CA12: variants seen among roughly 807,000 people sequenced by gnomAD.
CA12 encodes carbonic anhydrase 12, also known as carbonate dehydratase XII.
CA12 carries 36 observed loss-of-function variants against 46.8 expected under a neutral mutation model. The ratio of observed to expected loss-of-function variants is 0.77; its 90% CI spans 0.59 to 1.02. CA12 has a LOEUF of 1.02. Ranked by LOEUF, CA12 falls within the 50% of genes least tolerant of loss-of-function variation. The pLI, the probability that CA12 is intolerant of heterozygous loss-of-function variation, is 0.00. For synonymous variants in CA12, 202 were observed against 187.0 expected (o/e 1.08, Z -0.65); for missense variants, 436 against 451.4 (o/e 0.97, Z 0.31).
rs2039545748 is a variant in CA12, at chr15:63,374,429, G to A, written c.106+1229C>T. ...TCCTTTGAGCACTCAGATCTCTGAA[G>A]CATTTGTTTATGATGTTATTATTAC... On this transcript the variant is annotated intron_variant, in intron 2 of 10. Coordinates refer to ENST00000178638, the MANE Select transcript of CA12 (RefSeq NM_001218.5). The surrounding 1 kb of genome is among the most constrained non-coding windows in gnomAD (Gnocchi z 4.4). Among the ~76,000 whole-genome samples the A allele has an allele frequency of 6.6e-6, 1 of 152,178 alleles. No individual in the cohort carries two copies. Among genetic ancestry groups the A allele is most frequent in the Admixed American group, 6.5e-5 (1 of 15,274 alleles).
chr15:63,344,240 G>A (rs374816527), intron 4 of CA12, among the ~76,000 whole-genome samples: 1 of 152,134 alleles, frequency 6.6e-6, no homozygotes, highest in African/African-American at 2.4e-5. Flanking sequence ...GCGACCTCTT[G>A]CCTCTTACCT....
At chr15:63,360,512 G>C (rs1413217154) in intron 2 of CA12, among the ~76,000 whole-genome samples, 1 of 152,144 alleles carries the variant, frequency 6.6e-6, no homozygotes, top group African/African-American at 2.4e-5. Flanking sequence ...AAACATGAAA[G>C]ACCCATGGAG....
chr15:63,334,186 A>T lies in CA12; in HGVS notation c.874+4633T>A, dbSNP rs1302553816. 4.8e-5 allele frequency among the ~76,000 whole-genome samples: 7 copies of T among 146,430 alleles called. No individual in the cohort carries two copies. In the Admixed American group the frequency reaches 4.8e-4, roughly 10 times the overall value. On this transcript the variant is annotated intron_variant, in intron 8 of 10. Transcript: ENST00000178638. ...CCCCTCCCAGGGGCCCACCTTGAGG[A>T]CGAGTCTTGCTTTCTCCTTCAGCTC...
At position 63,339,755 on chromosome 15, in the gene CA12, G is replaced by A. The variant is rs1426696846; in HGVS notation, c.747+533C>T. On this transcript the variant is annotated intron_variant, in intron 7 of 10. Coordinates refer to ENST00000178638, the MANE Select transcript of CA12 (RefSeq NM_001218.5). The surrounding 1 kb of genome is among the most constrained non-coding windows in gnomAD (Gnocchi z 4.3). ...CATGGAACTCAGATGACCTAACTTT[G>A]GGTCTCAGCTTTGTCACTAACCCGC... Among the ~76,000 whole-genome samples the A allele has an allele frequency of 6.6e-6, 1 of 152,200 alleles. No individual in the cohort carries two copies. Among genetic ancestry groups the A allele is most frequent in the Admixed American group, 6.5e-5 (1 of 15,286 alleles).
Position 63,362,003 on chromosome 15 carries a change from T to G in CA12, c.106+13655A>C, listed in dbSNP as rs117056854. ...AGCACTTTCTATGTGCCAGGCATCATTCTATATCAGGGGTTGGCTAACTTT... is the reference window on the plus strand; with the variant it reads ...AGCACTTTCTATGTGCCAGGCATCAGTCTATATCAGGGGTTGGCTAACTTT... On this transcript the variant is annotated intron_variant, in intron 2 of 10. Coordinates refer to ENST00000178638, the MANE Select transcript of CA12 (RefSeq NM_001218.5). Among the ~76,000 whole-genome samples, 34 of 152,364 alleles carry G rather than the reference T, an allele frequency of 2.2e-4. No individual in the cohort carries two copies. The East Asian group carries it at 6.0e-3, about 27-fold the overall frequency.
At position 63,328,140 on chromosome 15, in the gene CA12, G is replaced by C. The variant is rs2038891698; in HGVS notation, c.875-10C>G. 3.7e-6 allele frequency: 6 copies of C among 1,613,776 alleles called. No individual in the cohort carries two copies. The highest frequency in any genetic ancestry group is 1.7e-4 in the Middle Eastern group (1 of 6,060). On this transcript the variant is annotated splice_polypyrimidine_tract_variant and intron_variant, in intron 8 of 10. Coordinates refer to ENST00000178638, the MANE Select transcript of CA12 (RefSeq NM_001218.5). The surrounding 1 kb of genome is among the most constrained non-coding windows in gnomAD (Gnocchi z 5.9). Reference sequence around the variant, plus strand: ...GCAGTACAGACTTGCACTTAAAAGGGGAGAGGAAAAGACGAGGTTACTCTA... The same window carrying C: ...GCAGTACAGACTTGCACTTAAAAGGCGAGAGGAAAAGACGAGGTTACTCTA...
chr15:63,340,533 A>G lies in CA12; in HGVS notation c.590-88T>C. On this transcript the variant is annotated intron_variant, in intron 6 of 10. Transcript: ENST00000178638. The surrounding 1 kb of genome is among the most constrained non-coding windows in gnomAD (Gnocchi z 4.4). ...GAACAGAGCGACTGAGCCTAGAAAC[A>G]TGAACTAGCCCCTTTCAGGGTCATC... is the stretch of plus-strand genomic sequence containing the variant. 1.3e-6 allele frequency: 2 copies of G among 1,556,416 alleles called. No individual in the cohort carries two copies. The highest frequency in any genetic ancestry group is 8.9e-7 in the Non-Finnish European group (1 of 1,127,790).
At position 63,342,073 on chromosome 15, in the gene CA12, C is replaced by T. The variant is rs1189931686; in HGVS notation, c.454G>A (p.Asp152Asn). 1 of 1,613,676 alleles carries T rather than the reference C, an allele frequency of 6.2e-7. No homozygotes were observed. The highest frequency in any genetic ancestry group is 1.1e-5 in the South Asian group (1 of 91,052). The change falls in exon 5 of 11, where the codon GAC (aspartate) becomes AAC (asparagine). Residue 152 changes from aspartate (D) to asparagine (N), a missense_variant. By Grantham distance (23) the Asp-to-Asn change is conservative. Coordinates refer to ENST00000178638, the MANE Select transcript of CA12 (RefSeq NM_001218.5). ...AELHIVHYNSDLYPDASTASN... is the reference protein window; with the variant it reads ...AELHIVHYNSNLYPDASTASN... ...GCAGTGCTGGCGTCAGGATAAAGGT[C>T]TGAGTTATAATGGACAATGTGCAGC...
chr15:63,325,945 G>T lies in CA12; in HGVS notation c.*340C>A. 1 of 323,884 alleles carries T rather than the reference G, an allele frequency of 3.1e-6. No individual in the cohort carries two copies. Among genetic ancestry groups the T allele is most frequent in the Non-Finnish European group, 6.0e-6 (1 of 167,584 alleles). 20.1% of individuals were successfully genotyped at this position (323,884 alleles called of 1,614,324 possible). A position where few individuals can be genotyped will look rare whatever the true frequency, so the allele number is the denominator to read the frequency against. On this transcript the variant is annotated 3_prime_UTR_variant, in exon 11 of 11. Transcript: ENST00000178638. The surrounding 1 kb of genome is among the most constrained non-coding windows in gnomAD (Gnocchi z 4.9). ...ACACTTGAAAGCACGCTCTGGCAAA[G>T]CCCCGGATGAAAGTGTTTTCCAACC...
Position 63,338,802 on chromosome 15 carries a change from G to C in CA12, c.874+17C>G. 6.2e-7 allele frequency: 1 copy of C among 1,613,676 alleles called. No individual in the cohort carries two copies. On this transcript the variant is annotated intron_variant, in intron 8 of 10. Transcript: ENST00000178638. ...CACACTCCCGCACCCCCTCCCCCCA[G>C]CACTGCCTCTCCTCACCTTGGGAGA...
chr15:63,339,019 T>G lies in CA12; in HGVS notation c.748-74A>C. 5.7e-6 allele frequency: 9 copies of G among 1,582,214 alleles called. No homozygotes were observed. The highest frequency in any genetic ancestry group is 7.8e-6 in the Non-Finnish European group (9 of 1,158,846). On this transcript the variant is annotated intron_variant, in intron 7 of 10. Coordinates refer to ENST00000178638, the MANE Select transcript of CA12 (RefSeq NM_001218.5). The surrounding 1 kb of genome is among the most constrained non-coding windows in gnomAD (Gnocchi z 4.3). ...TGATCCCCTGGGAAGAGGCTAGCTC[T>G]CCGCTCTTGCACCTGGGAGAAGCCT...
intron 8 of CA12, among the ~76,000 whole-genome samples, chr15:63,335,029 C>A (rs557897064): frequency 6.6e-6 from 1 of 152,174 alleles, no homozygotes; most frequent in Non-Finnish European, 1.5e-5. Context: ...ACAATGAGTT[C>A]TGGGCCGCAG....
rs2038889096 is a variant in CA12 at position 63,327,959 on chromosome 15, AG to A, written c.907+138del. 6 of 764,728 alleles carry A rather than the reference AG, an allele frequency of 7.8e-6. No homozygotes were observed. Among genetic ancestry groups the A allele is most frequent in the Non-Finnish European group, 4.6e-6 (2 of 433,928 alleles). 47.4% of individuals were successfully genotyped at this position (764,728 alleles called of 1,614,324 possible). On this transcript the variant is annotated intron_variant, in intron 9 of 10. Transcript: ENST00000178638. This position sits in a 1 kb window ranked among gnomAD's most constrained non-coding sequence, Gnocchi z 4.5. ...CATCTTTGAATCACAGAGCGACTTG[AG>A]GGTAAGACCCATAGCAAGGAGAGGG...
At position 63,331,176 on chromosome 15, in the gene CA12, C is replaced by T. The variant is rs866361463; in HGVS notation, c.875-3046G>A. Among the ~76,000 whole-genome samples the T allele has an allele frequency of 1.3e-5, 2 of 152,280 alleles. No individual in the cohort carries two copies. The highest frequency in any genetic ancestry group is 3.4e-3 in the Middle Eastern group (1 of 294). On this transcript the variant is annotated intron_variant, in intron 8 of 10. Transcript: ENST00000178638. The surrounding 1 kb of genome is among the most constrained non-coding windows in gnomAD (Gnocchi z 5.3). ...GCTTGAGTCCCATTGGAGGCAGATG[C>T]CAAAACATCTGTTATCTGATGGGAG...
At position 63,348,309 on chromosome 15, in the gene CA12, TAACTC is replaced by T. The variant is rs967836327; in HGVS notation, c.107-1605_107-1601del. Among the ~76,000 whole-genome samples, 4 of 152,284 alleles carry T rather than the reference TAACTC, an allele frequency of 2.6e-5. No individual in the cohort carries two copies. Among genetic ancestry groups the T allele is most frequent in the African/African-American group, 9.6e-5 (4 of 41,554 alleles). ...TATTCTTATTTTCAAGGCCTCAAAA[TAACTC>T]AACTACACCAAGATGGTGACTAGGG... On this transcript the variant is annotated intron_variant, in intron 2 of 10. Coordinates refer to ENST00000178638, the MANE Select transcript of CA12 (RefSeq NM_001218.5). The surrounding 1 kb of genome is among the most constrained non-coding windows in gnomAD (Gnocchi z 4.6).
chr15:63,336,974 C>T (rs942891829), intron 8 of CA12, among the ~76,000 whole-genome samples: 1 of 152,138 alleles, frequency 6.6e-6, no homozygotes, highest in Admixed American at 6.5e-5. Context: ...GAAGTAGTTC[C>T]ATTTAACCCT....
Position 63,342,116 on chromosome 15 carries a change from C to G in CA12, c.430-19G>C, listed in dbSNP as rs750183777. ...TGTGCAGCTGCAGTGGGGGAGAAGC[C>G]ACCCATTAGGAGATAAGCGACTCAT... is the stretch of plus-strand genomic sequence containing the variant. On this transcript the variant is annotated intron_variant, in intron 4 of 10. Coordinates refer to ENST00000178638, the MANE Select transcript of CA12 (RefSeq NM_001218.5). The G allele has an allele frequency of 6.5e-7, 1 of 1,547,050 alleles. No individual in the cohort carries two copies. Among genetic ancestry groups the G allele is most frequent in the Non-Finnish European group, 8.9e-7 (1 of 1,119,662 alleles).
intron 2 of CA12, among the ~76,000 whole-genome samples, chr15:63,349,654 C>T (rs187354642): frequency 2.6e-5 from 4 of 152,240 alleles, no homozygotes; most frequent in East Asian, 1.9e-4. Context: ...AGAGATTTGC[C>T]GGAAGTTTGA....
chr15:63,336,205 G>A (rs2039001220), intron 8 of CA12, among the ~76,000 whole-genome samples: 1 of 152,162 alleles, frequency 6.6e-6, no homozygotes. Context: ...CCAGACTTCT[G>A]CTTAGAGGCC....
Sources: allele counts gnomAD v4.1 joint callset (sites outside exome capture counted in the v4.1 genomes callset), GRCh38; gene constraint gnomAD v4.1.1; non-coding constraint Gnocchi (gnomAD v3.1); transcripts MANE v1.5; gene names NCBI Gene and HGNC (gene_info 2026-07-23, HGNC 2026-07-21).